ABI3BP: variants seen among roughly 807,000 people sequenced by gnomAD.
The protein encoded by ABI3BP is ABI family member 3 binding protein, also known as target of Nesh-SH3.
Under a neutral mutation model 268.6 loss-of-function variants are expected in ABI3BP, and 216 were observed. The ratio of observed to expected loss-of-function variants is 0.80; its 90% confidence interval spans 0.72 to 0.90. ABI3BP has a LOEUF of 0.90. Ranked by LOEUF, ABI3BP falls within the 40% of genes least tolerant of loss-of-function variation. ABI3BP has a pLI of 0.00. For missense variants in ABI3BP, 2,090 were observed against 2,182.4 expected, an observed-to-expected ratio of 0.96 and a Z score of 0.84; for synonymous variants, 730 against 730.0, an observed-to-expected ratio of 1.00 and a Z score of 0.00.
At chr3:100,753,900 T>G in intron 64 of ABI3BP, 52 bp from the exon 65 acceptor site, 1 of 1,557,832 alleles carries the variant, frequency 6.4e-7, no homozygotes, top group South Asian at 1.2e-5. Flanking sequence ...AACCCCAACA[T>G]TCCAGTGGCA....
intron 51 of ABI3BP, among the ~76,000 whole-genome samples, chr3:100,799,587 T>A (rs2097459923): frequency 1.3e-5 from 2 of 152,126 alleles, no homozygotes; most frequent in Non-Finnish European, 2.9e-5. Flanking sequence ...CCCCTCTCCA[T>A]CTCATTGCCA....
intron 14 of ABI3BP, among the ~76,000 whole-genome samples, chr3:100,860,315 T>G (rs1363114660): frequency 2.0e-5 from 3 of 152,204 alleles, no homozygotes; most frequent in African/African-American, 7.2e-5. Flanking sequence ...AATCACATAC[T>G]GTACTGTTAT....
chr3:100,917,470 A>G (rs1332770885), intron 2 of ABI3BP, among the ~76,000 whole-genome samples: 1 of 152,136 alleles, frequency 6.6e-6, no homozygotes, highest in African/African-American at 2.4e-5. Context: ...TAAAGTTTAA[A>G]TGCTATCTTA....
At chr3:100,792,934 ACT>A (rs2097240130) in intron 54 of ABI3BP, among the ~76,000 whole-genome samples, 166 bp from the exon 55 acceptor site, 1 of 151,920 alleles carries the variant, frequency 6.6e-6, no homozygotes. Context: ...CATTTTAATA[ACT>A]CTCATTTATG....
At chr3:100,767,547 G>A (rs900161634) in intron 62 of ABI3BP, among the ~76,000 whole-genome samples, 2 of 150,718 alleles carry the variant, frequency 1.3e-5, no homozygotes, top group African/African-American at 4.9e-5. Flanking sequence ...GCTGTGAAGG[G>A]ATATTTGTTA....
chr3:100,842,360 G>A (rs540824657), intron 20 of ABI3BP, among the ~76,000 whole-genome samples: 1 of 152,264 alleles, frequency 6.6e-6, no homozygotes, highest in African/African-American at 2.4e-5. Context: ...CCTGATATTT[G>A]TTTCTTGCAG....
intron 1 of ABI3BP, among the ~76,000 whole-genome samples, chr3:100,954,975 CTTTTTTTT>C (rs71299382): frequency 1.1e-3 from 108 of 94,756 alleles, no homozygotes; most frequent in African/African-American, 3.3e-3. Flanking sequence ...TAAATTTTGT[CTTTTTTTT>C]TTTTTTTTTT....
At chr3:100,842,090 AGATAGAAGTGACAT>A in intron 20 of ABI3BP, 51 bp from the exon 21 acceptor site, 1 of 1,409,170 alleles carries the variant, frequency 7.1e-7, no homozygotes. Flanking sequence ...GCACCATCTG[AGATAGAAGTGACAT>A]GTTCTTGACT....
intron 1 of ABI3BP, among the ~76,000 whole-genome samples, chr3:100,986,009 A>C: frequency 6.6e-6 from 1 of 152,188 alleles, no homozygotes; most frequent in South Asian, 2.1e-4. Flanking sequence ...TAAACCTGTG[A>C]GTTGCTTCTA....
intron 1 of ABI3BP, among the ~76,000 whole-genome samples, chr3:100,989,785 T>G (rs1426098142): frequency 6.6e-6 from 1 of 152,236 alleles, no homozygotes; most frequent in Non-Finnish European, 1.5e-5. Context: ...TCACTGGTTT[T>G]TATTTTAGCC....
intron 57 of ABI3BP, among the ~76,000 whole-genome samples, chr3:100,783,735 T>C (rs182601736): frequency 3.3e-5 from 5 of 152,362 alleles, no homozygotes; most frequent in Admixed American, 2.6e-4. Context: ...CATAGTACTG[T>C]ATAAGTACCT....
chr3:100,834,056 G>A (rs966355625), intron 29 of ABI3BP, among the ~76,000 whole-genome samples: 1 of 152,130 alleles, frequency 6.6e-6, no homozygotes, highest in East Asian at 1.9e-4. Flanking sequence ...CTGCAGTCTC[G>A]ACTTCCTGGG....
At chr3:100,929,082 A>G (rs1259314692) in intron 1 of ABI3BP, among the ~76,000 whole-genome samples, 2 of 152,056 alleles carry the variant, frequency 1.3e-5, no homozygotes, top group Admixed American at 1.3e-4. Flanking sequence ...GCTACCTTAG[A>G]AGGCTATCAA....
In ABI3BP at chr3:100,825,730, TACA is replaced by T. The variant is rs904972107; in HGVS notation, c.2662+52_2662+54del. The T allele has an allele frequency of 7.3e-6, 10 of 1,373,598 alleles. No homozygotes were observed. In the African/African-American group the frequency reaches 1.3e-4, roughly 18 times the overall value. 85.1% of individuals were successfully genotyped at this position (1,373,598 alleles called of 1,614,324 possible). On this transcript the variant is annotated intron_variant, in intron 35 of 67. Transcript: ENST00000471714. ...ATAGGGATGAAGACTGAATGGACTG[TACA>T]ACAAGCAGCAAAAGCACTTGGCAAA...
intron 63 of ABI3BP, among the ~76,000 whole-genome samples, chr3:100,759,695 C>G (rs1181413608): frequency 1.3e-5 from 2 of 152,154 alleles, no homozygotes; most frequent in East Asian, 3.9e-4. Context: ...AATAGTTGTT[C>G]TCTTTATAGA....
chr3:100,833,257 G>C, intron 29 of ABI3BP, 100 bp from the exon 30 acceptor site: 2 of 1,121,088 alleles, frequency 1.8e-6, no homozygotes, highest in East Asian at 5.2e-5. Context: ...TACCATTATA[G>C]CGTTGGTTCT....
intron 20 of ABI3BP, chr3:100,844,452 A>G (rs900508771): frequency 2.0e-6 from 2 of 985,404 alleles, no homozygotes; most frequent in Non-Finnish European, 2.4e-6. Flanking sequence ...TGACTTAACC[A>G]CCAAGCAAAG....
intron 4 of ABI3BP, among the ~76,000 whole-genome samples, chr3:100,886,741 A>G (rs1453264538): frequency 6.6e-6 from 1 of 151,940 alleles, no homozygotes; most frequent in Admixed American, 6.6e-5. Context: ...TTTTTCATCC[A>G]TGAAGGATAT....
At chr3:100,848,998 G>A in intron 17 of ABI3BP, 123 bp from the exon 18 acceptor site, 1 of 776,300 alleles carries the variant, frequency 1.3e-6, no homozygotes, top group Non-Finnish European at 2.2e-6. Flanking sequence ...TCCTTAGAAT[G>A]TCCAGTATAC....
Sources: allele counts gnomAD v4.1 joint callset (sites outside exome capture counted in the v4.1 genomes callset), GRCh38; gene constraint gnomAD v4.1.1; transcripts MANE v1.5; gene names NCBI Gene and HGNC (gene_info 2026-07-23, HGNC 2026-07-21).